ITGA11: variants seen among roughly 807,000 people sequenced by gnomAD.
ITGA11 encodes integrin alpha-11.
ITGA11 carries 97 observed loss-of-function variants against 141.9 expected under a neutral mutation model. That is an observed-to-expected ratio of 0.68 (90% CI 0.58 to 0.81). ITGA11 has a LOEUF of 0.81. ITGA11 is among the 30% of genes least tolerant of loss of function. ITGA11 has a pLI of 0.00. For synonymous variants in ITGA11, 658 were observed against 624.6 expected (o/e 1.05, Z -0.80); for missense variants, 1,387 against 1,559.2 (o/e 0.89, Z 1.86).
intron 2 of ITGA11, among the ~76,000 whole-genome samples, chr15:68,375,187 CTT>C (rs1198118386): frequency 6.6e-6 from 1 of 152,252 alleles, no homozygotes; most frequent in Non-Finnish European, 1.5e-5. Context: ...TCACCTGTTC[CTT>C]TCTCTCAACA....
chr15:68,418,475 T>C (rs530620385), intron 1 of ITGA11, among the ~76,000 whole-genome samples: 6 of 152,210 alleles, frequency 3.9e-5, no homozygotes, highest in African/African-American at 9.6e-5. Context: ...TTGCCTTATC[T>C]GTGAAAGGCA....
intron 2 of ITGA11, among the ~76,000 whole-genome samples, chr15:68,387,901 A>G (rs902675572): frequency 1.3e-5 from 2 of 151,738 alleles, no homozygotes; most frequent in African/African-American, 2.4e-5. Flanking sequence ...CCTCATACCT[A>G]TGGACGTTCT....
chr15:68,345,804 G>T (rs959054185), intron 10 of ITGA11, among the ~76,000 whole-genome samples: 3 of 152,172 alleles, frequency 2.0e-5, no homozygotes, highest in African/African-American at 7.2e-5. Flanking sequence ...CTGACCCTGA[G>T]AGCTGAGGAG....
chr15:68,417,489 C>T (rs192117243), intron 1 of ITGA11, among the ~76,000 whole-genome samples: 83 of 152,166 alleles, frequency 5.5e-4, no homozygotes, highest in African/African-American at 1.9e-3. Flanking sequence ...CCAACTGGTC[C>T]CTCATTCCAA....
intron 2 of ITGA11, among the ~76,000 whole-genome samples, chr15:68,371,442 G>C (rs1273830773): frequency 6.6e-6 from 1 of 152,238 alleles, no homozygotes; most frequent in Non-Finnish European, 1.5e-5. Context: ...GCTGGGTGCA[G>C]TGGCTCATGC....
rs780364931 is a variant in ITGA11 at position 68,348,812 on chromosome 15, C to T, written c.1131+18G>A. The stretch of plus-strand genomic sequence containing the variant: ...AGAGACAGAGGCTGGGCTCTGTGCC[C>T]GTACCTCCACCACATACCTCCACCA... On this transcript the variant is annotated intron_variant, in intron 10 of 29. Transcript: ENST00000315757. 1.0e-4 allele frequency: 162 copies of T among 1,599,956 alleles called. No individual in the cohort carries two copies. The Admixed American group carries it at 2.2e-3, about 22-fold the overall frequency.
At chr15:68,361,887 C>G (rs1480798908) in intron 4 of ITGA11, 183 bp from the exon 5 acceptor site, 1 of 544,620 alleles carries the variant, frequency 1.8e-6, no homozygotes. Context: ...GTACTAGTTC[C>G]TTTGGTTTCA....
rs1894174454 is a variant in ITGA11, at chr15:68,331,920, T to C, written c.1709A>G (p.His570Arg). ...GTGGAAGATGTAGATGGCTCCTGCG[T>C]GGTTGTCCTCCAGGGGGGCTCCCAC... ...VVVGAPLEDN[H>R]AGAIYIFHGF... The change falls in exon 14 of 30, where the codon CAC becomes CGC. Residue 570 changes from histidine to arginine, a missense_variant. Coordinates refer to ENST00000315757, the MANE Select transcript of ITGA11 (RefSeq NM_001004439.2). The C allele has an allele frequency of 2.5e-6, 4 of 1,613,450 alleles. No individual in the cohort carries two copies. Among genetic ancestry groups the C allele is most frequent in the Non-Finnish European group, 2.5e-6 (3 of 1,179,774 alleles).
intron 13 of ITGA11, 21 bp from the exon 14 acceptor site, chr15:68,332,083 A>G: frequency 6.4e-7 from 1 of 1,567,252 alleles, no homozygotes. Flanking sequence ...AGGGGCAGAA[A>G]AAGGCTGGGG....
chr15:68,307,346 A>G lies in ITGA11; in HGVS notation c.3381+2T>C, dbSNP rs1457938304. ...AGTTCTGCAGGGCTCCCAGGGGCTC[A>G]CCTGGCGGCTGGGATCCTCCTCACG... On this transcript the variant is annotated splice_donor_variant, in intron 28 of 29. Transcript: ENST00000315757. LOFTEE classifies it high-confidence loss of function. This position sits in a 1 kb window ranked among gnomAD's most constrained non-coding sequence, Gnocchi z 6.1. 2 of 1,551,404 alleles carry G rather than the reference A, an allele frequency of 1.3e-6. No individual in the cohort carries two copies. The highest frequency in any genetic ancestry group is 8.7e-7 in the Non-Finnish European group (1 of 1,146,064).
At chr15:68,371,718 G>C (rs1368087931) in intron 2 of ITGA11, among the ~76,000 whole-genome samples, 1 of 152,024 alleles carries the variant, frequency 6.6e-6, no homozygotes, top group African/African-American at 2.4e-5. Context: ...ACTCTATCTC[G>C]GGGAAAAGAA....
Position 68,304,946 on chromosome 15 carries a change from G to A in ITGA11, c.3382-1061C>T, listed in dbSNP as rs562945600. Among the ~76,000 whole-genome samples the A allele has an allele frequency of 2.4e-4, 36 of 152,340 alleles. No homozygotes were observed. The South Asian group carries it at 7.3e-3, about 31-fold the overall frequency. On this transcript the variant is annotated intron_variant, in intron 28 of 29. Transcript: ENST00000315757. This position sits in a 1 kb window ranked among gnomAD's most constrained non-coding sequence, Gnocchi z 6.1. ...CTGGAGACTACAGCGCTGCCCGACTGCCTCCCCTCTGCAGTTTGTTCTTAG... is the reference window on the plus strand; with the variant it reads ...CTGGAGACTACAGCGCTGCCCGACTACCTCCCCTCTGCAGTTTGTTCTTAG...
At chr15:68,417,914 A>G (rs1005915201) in intron 1 of ITGA11, among the ~76,000 whole-genome samples, 3 of 152,238 alleles carry the variant, frequency 2.0e-5, no homozygotes, top group African/African-American at 7.2e-5. Context: ...ACAATTAAAA[A>G]TAATTACAGG....
intron 2 of ITGA11, among the ~76,000 whole-genome samples, chr15:68,397,905 G>A (rs1222347017): frequency 2.0e-5 from 3 of 148,332 alleles, no homozygotes; most frequent in Non-Finnish European, 4.5e-5. Flanking sequence ...GCCAAACTAA[G>A]CTTCATAAGC....
Position 68,312,735 on chromosome 15 carries a change from C to T in ITGA11, c.2973+38G>A, listed in dbSNP as rs547572625. On this transcript the variant is annotated intron_variant, in intron 24 of 29. Coordinates refer to ENST00000315757, the MANE Select transcript of ITGA11 (RefSeq NM_001004439.2). ...CTCCAGGATGGGGGTGCTCAGATCC[C>T]GTCCTTCCCCCTCTACCCGGCTCCC... 3.1e-5 allele frequency: 47 copies of T among 1,495,570 alleles called. No homozygotes were observed. In the East Asian group the frequency reaches 4.5e-4, roughly 14 times the overall value. 92.6% of individuals were successfully genotyped at this position (1,495,570 alleles called of 1,614,324 possible). A position where few individuals can be genotyped will look rare whatever the true frequency, so the allele number is the denominator to read the frequency against.
At position 68,307,786 on chromosome 15, in the gene ITGA11, T is replaced by TGGGGGC; in HGVS notation, c.3175-96_3175-91dup. 2 of 847,036 alleles carry TGGGGGC rather than the reference T, an allele frequency of 2.4e-6. No homozygotes were observed. Among genetic ancestry groups the TGGGGGC allele is most frequent in the South Asian group, 3.1e-5 (2 of 65,106 alleles). 52.5% of individuals were successfully genotyped at this position (847,036 alleles called of 1,614,324 possible). On this transcript the variant is annotated intron_variant, in intron 26 of 29. Coordinates refer to ENST00000315757, the MANE Select transcript of ITGA11 (RefSeq NM_001004439.2). This position sits in a 1 kb window ranked among gnomAD's most constrained non-coding sequence, Gnocchi z 6.1. ...GCTTGAACGACTGGGGCTCTGCTCC[T>TGGGGGC]GGGGGCAGGGGCAGAGGACAGGGGA...
At position 68,300,943 on chromosome 15, in the gene ITGA11, T is replaced by C. The variant is rs1206234027; in HGVS notation, c.*2116A>G. 1 of 152,238 alleles carries C rather than the reference T, an allele frequency of 6.6e-6. No homozygotes were observed. Among genetic ancestry groups the C allele is most frequent in the African/African-American group, 2.4e-5 (1 of 41,468 alleles). 9.4% of individuals were successfully genotyped at this position (152,238 alleles called of 1,614,324 possible). A position where few individuals can be genotyped will look rare whatever the true frequency, so the allele number is the denominator to read the frequency against. On this transcript the variant is annotated 3_prime_UTR_variant, in exon 30 of 30. Coordinates refer to ENST00000315757, the MANE Select transcript of ITGA11 (RefSeq NM_001004439.2). ...TGATATTTGATGGACGACTTGGTGCTAAGTCAATGAAAACTTATGAGTGTG... is the reference window on the plus strand; with the variant it reads ...TGATATTTGATGGACGACTTGGTGCCAAGTCAATGAAAACTTATGAGTGTG...
At chr15:68,383,084 A>G (rs1405151558) in intron 2 of ITGA11, among the ~76,000 whole-genome samples, 1 of 152,218 alleles carries the variant, frequency 6.6e-6, no homozygotes, top group East Asian at 1.9e-4. Flanking sequence ...ATCCTGGCTA[A>G]CACAGTGAAA....
At chr15:68,356,144 G>A (rs953993321) in intron 7 of ITGA11, among the ~76,000 whole-genome samples, 12 of 152,066 alleles carry the variant, frequency 7.9e-5, no homozygotes, top group Non-Finnish European at 1.6e-4. Flanking sequence ...TCACCAGGCT[G>A]GAGTGCAGTG....
Sources: gnomAD v4.1 joint callset for allele counts (sites outside exome capture counted in the v4.1 genomes callset) on GRCh38, gnomAD v4.1.1 for gene constraint, Gnocchi (gnomAD v3.1) non-coding constraint, MANE v1.5 for transcripts, NCBI Gene and HGNC (gene_info 2026-07-23, HGNC 2026-07-21) for gene names.